Variants in SPOPL observed in about 807,000 individuals in gnomAD.
The protein encoded by SPOPL is speckle-type POZ protein-like.
Under a neutral mutation model 53.8 loss-of-function variants are expected in SPOPL, and 23 were observed. The observed-to-expected ratio is 0.43, with a 90% confidence interval of 0.31 to 0.61. The LOEUF is 0.61. Among genes scored for constraint, SPOPL ranks in the 20% least tolerant of loss-of-function variants. SPOPL has a pLI of 0.12. For missense variants in SPOPL, 442 were observed against 466.9 expected, an observed-to-expected ratio of 0.95 and a Z score of 0.49; for synonymous variants, 164 against 149.7, an observed-to-expected ratio of 1.10 and a Z score of -0.70.
In SPOPL at chr2:138,572,259, G is replaced by A. The variant is rs553883926; in HGVS notation, c.*3179G>A. On this transcript the variant is annotated 3_prime_UTR_variant, in exon 11 of 11. Coordinates refer to ENST00000280098, the MANE Select transcript of SPOPL (RefSeq NM_001001664.3). ...GAAATGTGAAAACAGTGCCTTTTTA[G>A]GACATCAATTATAATAAAATTGTTT... is the stretch of plus-strand genomic sequence containing the variant. 6 of 152,490 alleles carry A rather than the reference G, an allele frequency of 3.9e-5. No homozygotes were observed. The highest frequency in any genetic ancestry group is 6.6e-5 in the Admixed American group (1 of 15,264). 9.4% of individuals were successfully genotyped at this position (152,490 alleles called of 1,614,324 possible). A position where few individuals can be genotyped will look rare whatever the true frequency, so the allele number is the denominator to read the frequency against.
intron 1 of SPOPL, among the ~76,000 whole-genome samples, chr2:138,520,681 AAGAG>A (rs1171633343): frequency 6.6e-6 from 1 of 152,186 alleles, no homozygotes; most frequent in Non-Finnish European, 1.5e-5. Context: ...GTCAATGAAT[AAGAG>A]AGAAAGAGAG....
At chr2:138,551,116 G>T (rs1685306025) in intron 4 of SPOPL, 62 bp downstream of exon 4, 2 of 1,566,782 alleles carry the variant, frequency 1.3e-6, no homozygotes, top group Non-Finnish European at 1.7e-6. Context: ...GACTTCTTCT[G>T]CACCTTTACC....
Position 138,564,839 on chromosome 2 carries a change from C to A in SPOPL, c.969C>A (p.Asp323Glu). ...AACAGTTGAAAGCACAAGCCATAGA[C>A]TTTATTAATAGGTAAGCTATGCTTG... ...SAEQLKAQAI[D>E]FINRCSVLRQ... The change falls in exon 9 of 11, where the codon GAC becomes GAA. Residue 323 changes from aspartate to glutamate, a missense_variant. Asp to Glu is a conservative substitution (Grantham distance 45). Transcript: ENST00000280098. 1.2e-6 allele frequency: 2 copies of A among 1,614,128 alleles called. No homozygotes were observed. Among genetic ancestry groups the A allele is most frequent in the Non-Finnish European group, 1.7e-6 (2 of 1,180,004 alleles).
rs547386024 is a variant in SPOPL, at chr2:138,554,166, G to A, written c.480+1485G>A. ...AGACAACCAAGAAATTCAGAAATAA[G>A]GCTGAAATTAAGATTTTTTTTTTGT... On this transcript the variant is annotated intron_variant, in intron 5 of 10. Transcript: ENST00000280098. 1.1e-4 allele frequency among the ~76,000 whole-genome samples: 16 copies of A among 149,274 alleles called. No homozygotes were observed. The East Asian group carries it at 3.1e-3, about 29-fold the overall frequency.
chr2:138,502,471 C>G (rs1013356784), intron 1 of SPOPL, among the ~76,000 whole-genome samples: 4 of 152,244 alleles, frequency 2.6e-5, no homozygotes, highest in Non-Finnish European at 4.4e-5. Flanking sequence ...TACCTCCACA[C>G]CTGCCCCTTT....
chr2:138,526,392 C>G (rs923060449), intron 1 of SPOPL, among the ~76,000 whole-genome samples: 4 of 151,968 alleles, frequency 2.6e-5, no homozygotes, highest in African/African-American at 9.7e-5. Context: ...GAGCTGTGGT[C>G]TTTAAAATGA....
At chr2:138,539,710 C>T (rs915786424) in intron 1 of SPOPL, among the ~76,000 whole-genome samples, 2 of 152,194 alleles carry the variant, frequency 1.3e-5, no homozygotes, top group African/African-American at 4.8e-5. Context: ...TGCCTGTTCA[C>T]TCTGATGGTA....
intron 1 of SPOPL, among the ~76,000 whole-genome samples, chr2:138,503,742 C>G (rs1407004171): frequency 6.6e-6 from 1 of 152,180 alleles, no homozygotes; most frequent in Non-Finnish European, 1.5e-5. Flanking sequence ...CTGTGTATAA[C>G]AGATTCATCA....
rs1224698387 is a variant in SPOPL, at chr2:138,560,790, G to A, written c.715-15G>A. 2 of 1,538,078 alleles carry A rather than the reference G, an allele frequency of 1.3e-6. No homozygotes were observed. The highest frequency in any genetic ancestry group is 2.2e-5 in the Admixed American group (1 of 44,692). ...TTTTTTTTTTTAACATTTTTGTGTT[G>A]TTTTTCGATATCAGAATCGAGTGGA... On this transcript the variant is annotated splice_polypyrimidine_tract_variant and intron_variant, in intron 7 of 10. Transcript: ENST00000280098.
intron 10 of SPOPL, among the ~76,000 whole-genome samples, chr2:138,567,732 G>A (rs534152910): frequency 2.0e-5 from 3 of 152,186 alleles, no homozygotes; most frequent in Admixed American, 6.5e-5. Flanking sequence ...GATGAACGGT[G>A]GAAATTAGAC....
At position 138,571,155 on chromosome 2, in the gene SPOPL, CTTA is replaced by C. The variant is rs1685772236; in HGVS notation, c.*2077_*2079del. On this transcript the variant is annotated 3_prime_UTR_variant, in exon 11 of 11. Coordinates refer to ENST00000280098, the MANE Select transcript of SPOPL (RefSeq NM_001001664.3). ...TCCAGTTTTAAGATTTTGCGAGGGT[CTTA>C]TAAGAAAACAAAAATTCCCTCAGGC... 6.6e-6 allele frequency: 1 copy of C among 152,060 alleles called. No homozygotes were observed. The highest frequency in any genetic ancestry group is 1.5e-5 in the Non-Finnish European group (1 of 67,988). The allele number at this position is 152,060 out of a possible 1,614,324, so 9.4% of individuals were successfully genotyped here.
chr2:138,540,074 C>T (rs529114675), intron 1 of SPOPL, among the ~76,000 whole-genome samples: 53 of 152,280 alleles, frequency 3.5e-4, no homozygotes, highest in Non-Finnish European at 7.1e-4. Context: ...GGCATTCTTT[C>T]TGAGGGCTCT....
At chr2:138,539,013 C>A (rs1685002355) in intron 1 of SPOPL, among the ~76,000 whole-genome samples, 1 of 151,912 alleles carries the variant, frequency 6.6e-6, no homozygotes, top group African/African-American at 2.4e-5. Context: ...GGTTTTTTGT[C>A]CTTGCGATAG....
chr2:138,561,531 G>A (rs924587414), intron 8 of SPOPL, among the ~76,000 whole-genome samples: 1 of 152,128 alleles, frequency 6.6e-6, no homozygotes, highest in African/African-American at 2.4e-5. Flanking sequence ...GCATGTGTAT[G>A]TGTCGATGGA....
At position 138,564,908 on chromosome 2, in the gene SPOPL, T is replaced by C; in HGVS notation, c.981-32T>C. 4 of 1,613,792 alleles carry C rather than the reference T, an allele frequency of 2.5e-6. No individual in the cohort carries two copies. In the South Asian group the frequency reaches 3.3e-5, roughly 13 times the overall value. On this transcript the variant is annotated intron_variant, in intron 9 of 10. Transcript: ENST00000280098. ...AACTTCAATATTTTTTCTCTGGACT[T>C]TTTTTTAAGTATGTTTAAATCTTCA...
chr2:138,543,765 C>A (rs551253824), intron 1 of SPOPL, among the ~76,000 whole-genome samples: 4 of 152,276 alleles, frequency 2.6e-5, no homozygotes, highest in Admixed American at 2.0e-4. Context: ...CAGCTTTGTT[C>A]TGTTGCTAGT....
At chr2:138,539,935 A>G (rs2104881383) in intron 1 of SPOPL, among the ~76,000 whole-genome samples, 1 of 152,306 alleles carries the variant, frequency 6.6e-6, no homozygotes, top group East Asian at 1.9e-4. Flanking sequence ...AGGTGTAAGG[A>G]AAGGATCTAG....
At chr2:138,540,535 T>G (rs1360831020) in intron 1 of SPOPL, among the ~76,000 whole-genome samples, 4 of 152,112 alleles carry the variant, frequency 2.6e-5, no homozygotes, top group African/African-American at 9.7e-5. Context: ...ACTCATGATT[T>G]GGTTCTCTGT....
At chr2:138,564,877 C>T in intron 9 of SPOPL, 27 bp downstream of exon 9, 1 of 1,613,756 alleles carries the variant, frequency 6.2e-7, no homozygotes, top group Non-Finnish European at 8.5e-7. Context: ...TTTCAGTGGG[C>T]ATGACAACTT....
Sources: gnomAD v4.1 joint callset for allele counts (sites outside exome capture counted in the v4.1 genomes callset) on GRCh38, gnomAD v4.1.1 for gene constraint, MANE v1.5 for transcripts, NCBI Gene and HGNC (gene_info 2026-07-23, HGNC 2026-07-21) for gene names.